Variants in CPAMD8 observed in about 807,000 individuals in gnomAD.
CPAMD8 encodes the protein C3 and PZP-like alpha-2-macroglobulin domain-containing protein 8.
A neutral mutation model predicts 224.7 loss-of-function variants in CPAMD8; 146 were observed. The observed-to-expected ratio is 0.65, with a 90% CI of 0.57 to 0.75. The LOEUF (loss-of-function observed/expected upper bound fraction) is 0.75, where lower values mean the gene tolerates loss of function less well. CPAMD8 is among the 30% of genes least tolerant of loss of function. The probability of loss-of-function intolerance (pLI) is 0.00; values close to 1 mark genes in which losing one functional copy is unlikely to be tolerated. For missense variants in CPAMD8, 2,301 were observed against 2,537.5 expected (o/e 0.91, Z 2.00); for synonymous variants, 966 against 1,044.6 (o/e 0.92, Z 1.45).
intron 25 of CPAMD8, 138 bp downstream of exon 25, chr19:16,927,871 T>C (rs533305564): frequency 3.0e-6 from 2 of 668,070 alleles, no homozygotes; most frequent in Admixed American, 2.3e-5. Context: ...TGGAAGCTGC[T>C]TGTCAGGTGA....
At chr19:16,903,413 T>G (rs1249208946) in intron 34 of CPAMD8, 148 bp downstream of exon 34, 1 of 1,163,204 alleles carries the variant, frequency 8.6e-7, no homozygotes, top group East Asian at 2.6e-5. Flanking sequence ...CCTTGGGCAG[T>G]ATTAGAAGGC....
At chr19:17,014,856 G>A (rs917312672) in intron 3 of CPAMD8, among the ~76,000 whole-genome samples, 3 of 152,176 alleles carry the variant, frequency 2.0e-5, no homozygotes, top group Non-Finnish European at 4.4e-5. Flanking sequence ...TTTGATGATA[G>A]TTACCCTCTC....
intron 18 of CPAMD8, among the ~76,000 whole-genome samples, chr19:16,969,701 G>A (rs2054980412): frequency 6.6e-6 from 1 of 151,748 alleles, no homozygotes; most frequent in African/African-American, 2.4e-5. Flanking sequence ...CTAACATGGT[G>A]AAATCCTGTC....
At chr19:16,944,697 T>C (rs1247807900) in intron 22 of CPAMD8, among the ~76,000 whole-genome samples, 1 of 151,972 alleles carries the variant, frequency 6.6e-6, no homozygotes, top group Non-Finnish European at 1.5e-5. Context: ...ATCCATCACA[T>C]CACATCAACG....
Position 16,918,570 on chromosome 19 carries a change from C to T in CPAMD8, c.3629+3335G>A, listed in dbSNP as rs866625159. Reference sequence around the variant, plus strand: ...TCAAGGGATCCTCCCACCTCAGCCTCCCCAGTAGTTGGGACTAAGGCATGT... The same window carrying T: ...TCAAGGGATCCTCCCACCTCAGCCTTCCCAGTAGTTGGGACTAAGGCATGT... On this transcript the variant is annotated intron_variant, in intron 27 of 41. Coordinates refer to ENST00000443236, the MANE Select transcript of CPAMD8 (RefSeq NM_015692.5). 1.2e-4 allele frequency among the ~76,000 whole-genome samples: 18 copies of T among 151,814 alleles called. 2 individuals carry two copies. The Middle Eastern group carries it at 0.031, about 258-fold the overall frequency.
In CPAMD8 at chr19:16,931,570, T is replaced by C. The variant is rs115145634; in HGVS notation, c.2846-2330A>G. Among the ~76,000 whole-genome samples the C allele has an allele frequency of 4.2e-3, 637 of 152,286 alleles. 3 individuals carry two copies. The highest frequency in any genetic ancestry group is 0.015 in the African/African-American group (617 of 41,564). ...GCCCAGGGGCTCAAGAACCTATCCA[T>C]GTTCCTGGTCCACCGCTGCCACTAC... On this transcript the variant is annotated intron_variant, in intron 23 of 41. Transcript: ENST00000443236.
At chr19:17,018,273 A>G (rs2123221817) in intron 3 of CPAMD8, among the ~76,000 whole-genome samples, 1 of 152,290 alleles carries the variant, frequency 6.6e-6, no homozygotes, top group South Asian at 2.1e-4. Flanking sequence ...ATAATATCTG[A>G]AATCCAAGGA....
chr19:16,987,476 CTCT>C (rs568367650), intron 13 of CPAMD8, among the ~76,000 whole-genome samples: 47 of 151,794 alleles, frequency 3.1e-4, no homozygotes, highest in African/African-American at 1.1e-3. Flanking sequence ...AAGATATTTT[CTCT>C]TCTTTATGAT....
intron 13 of CPAMD8, among the ~76,000 whole-genome samples, chr19:16,984,650 T>A (rs1329379907): frequency 6.6e-6 from 1 of 152,180 alleles, no homozygotes; most frequent in Non-Finnish European, 1.5e-5. Flanking sequence ...ACACATCTGA[T>A]GAGGGCTAGT....
Position 16,914,419 on chromosome 19 carries a change from C to T in CPAMD8, c.3861+5G>A, listed in dbSNP as rs1469361987. On this transcript the variant is annotated splice_donor_5th_base_variant and intron_variant, in intron 29 of 41. Transcript: ENST00000443236. The stretch of plus-strand genomic sequence containing the variant: ...CGAGTCTCCCCAAACCCCTTCTGTA[C>T]TCACCTCTGAGGCTGTGCCTGTTTC... 1 of 1,613,838 alleles carries T rather than the reference C, an allele frequency of 6.2e-7. No individual in the cohort carries two copies. The highest frequency in any genetic ancestry group is 8.5e-7 in the Non-Finnish European group (1 of 1,179,812).
chr19:16,901,696 A>C (rs2052264321), intron 35 of CPAMD8, among the ~76,000 whole-genome samples: 1 of 152,102 alleles, frequency 6.6e-6, no homozygotes, highest in Non-Finnish European at 1.5e-5. Flanking sequence ...TCAACCCCCT[A>C]GCTCCGGCCT....
At chr19:16,996,389 C>T (rs1475616873) in intron 11 of CPAMD8, among the ~76,000 whole-genome samples, 1 of 151,972 alleles carries the variant, frequency 6.6e-6, no homozygotes, top group Non-Finnish European at 1.5e-5. Context: ...TCAAAATTTA[C>T]CGTGCATAAG....
intron 22 of CPAMD8, 22 bp from the exon 23 acceptor site, chr19:16,938,468 A>G: frequency 1.3e-6 from 2 of 1,513,480 alleles, no homozygotes; most frequent in South Asian, 1.2e-5. Context: ...AAACAAGGAG[A>G]ACTGAGTGCT....
intron 10 of CPAMD8, among the ~76,000 whole-genome samples, chr19:16,997,843 A>G (rs1030884905): frequency 6.6e-6 from 1 of 151,074 alleles, no homozygotes; most frequent in African/African-American, 2.4e-5. Context: ...AGAAAAAAAA[A>G]AAGAGGAAAG....
chr19:16,994,970 C>G lies in CPAMD8; in HGVS notation c.1096-1384G>C, dbSNP rs1389786110. ...GCATGAGCCACCATGCCCAGCCTAA[C>G]CACTCCTTTCTTGAATGCAGATGGT... On this transcript the variant is annotated intron_variant, in intron 11 of 41. Coordinates refer to ENST00000443236, the MANE Select transcript of CPAMD8 (RefSeq NM_015692.5). 2.0e-5 allele frequency among the ~76,000 whole-genome samples: 3 copies of G among 152,126 alleles called. No individual in the cohort carries two copies. In the East Asian group the frequency reaches 5.8e-4, roughly 29 times the overall value.
At chr19:17,024,071 T>C (rs2123283367) in intron 1 of CPAMD8, among the ~76,000 whole-genome samples, 1 of 152,318 alleles carries the variant, frequency 6.6e-6, no homozygotes, top group Admixed American at 6.5e-5. Context: ...CAAAGATTTC[T>C]TGAGTAAGAT....
chr19:16,937,810 G>A (rs1167008139), intron 23 of CPAMD8, among the ~76,000 whole-genome samples: 4 of 152,008 alleles, frequency 2.6e-5, no homozygotes, highest in East Asian at 3.9e-4. Context: ...GTGCCACCAC[G>A]ACCAGCTAAT....
chr19:16,906,403 T>TCTCTTTCC (rs1404053342), intron 30 of CPAMD8, among the ~76,000 whole-genome samples: 24 of 79,814 alleles, frequency 3.0e-4, no homozygotes, highest in African/African-American at 1.3e-3. Flanking sequence ...TCTTTCTTTC[T>TCTCTTTCC]TTCTTTCCTT....
At chr19:17,022,266 C>A in intron 1 of CPAMD8, 85 bp from the exon 2 acceptor site, 1 of 1,459,122 alleles carries the variant, frequency 6.9e-7, no homozygotes, top group Non-Finnish European at 9.3e-7. Context: ...GCTCTCCTCG[C>A]AGCAGACTCC....
Sources: gnomAD v4.1 joint callset for allele counts (sites outside exome capture counted in the v4.1 genomes callset) on GRCh38, gnomAD v4.1.1 for gene constraint, MANE v1.5 for transcripts, NCBI Gene and HGNC (gene_info 2026-07-23, HGNC 2026-07-21) for gene names.